Variants in ARHGAP29 observed in about 807,000 individuals in gnomAD.
ARHGAP29 encodes the protein rho GTPase-activating protein 29.
A neutral mutation model predicts 122.6 loss-of-function variants in ARHGAP29; 43 were observed. The ratio of observed to expected loss-of-function variants is 0.35; its 90% CI spans 0.27 to 0.45. The LOEUF is 0.45. Among genes scored for constraint, ARHGAP29 ranks in the 20% least tolerant of loss-of-function variants. The probability of loss-of-function intolerance (pLI) is 1.00; values close to 1 mark genes in which losing one functional copy is unlikely to be tolerated. For missense variants in ARHGAP29, 1,303 were observed against 1,477.2 expected (o/e 0.88, Z 1.93); for synonymous variants, 506 against 497.1 (o/e 1.02, Z -0.24).
intron 3 of ARHGAP29, among the ~76,000 whole-genome samples, chr1:94,210,788 G>A (rs572517257): frequency 8.7e-5 from 13 of 149,658 alleles, no homozygotes; most frequent in Middle Eastern, 3.5e-3. Flanking sequence ...CTGTAATCCC[G>A]GGGCTTTGGG....
At chr1:94,292,000 C>T in the ARHGAP29 span, among the ~76,000 whole-genome samples, 2 of 152,098 alleles carry the variant, frequency 1.3e-5, no homozygotes, top group Non-Finnish European at 2.9e-5. Flanking sequence ...TTTTGGCCTG[C>T]CTTGCTAGGT....
Position 94,169,574 on chromosome 1 carries a change from C to A in ARHGAP29, c.*4295G>T, listed in dbSNP as rs930965735. On this transcript the variant is annotated 3_prime_UTR_variant, in exon 23 of 23. Coordinates refer to ENST00000260526, the MANE Select transcript of ARHGAP29 (RefSeq NM_004815.4). ...GGTGTCAATGTGAACTCAAAGTTTT[C>A]AATACGTATGTATATAAATAGATAT... Among the ~76,000 whole-genome samples the A allele has an allele frequency of 2.0e-5, 3 of 152,166 alleles. No homozygotes were observed. The highest frequency in any genetic ancestry group is 4.4e-5 in the Non-Finnish European group (3 of 68,024).
At chr1:94,189,662 A>G (rs1650017352) in intron 13 of ARHGAP29, among the ~76,000 whole-genome samples, 1 of 152,116 alleles carries the variant, frequency 6.6e-6, no homozygotes, top group East Asian at 1.9e-4. Context: ...GACCTTCAAA[A>G]CATGTATGGC....
At chr1:94,253,627 C>G (rs936364503) in intron 1 of ARHGAP29, among the ~76,000 whole-genome samples, 3 of 148,478 alleles carry the variant, frequency 2.0e-5, no homozygotes, top group African/African-American at 7.6e-5. Flanking sequence ...CCGCAGGCAT[C>G]TGGAACACAC....
intron 7 of ARHGAP29, among the ~76,000 whole-genome samples, chr1:94,204,265 G>T (rs1304904152): frequency 6.6e-6 from 1 of 151,872 alleles, no homozygotes; most frequent in Non-Finnish European, 1.5e-5. Context: ...CTCAGGAATA[G>T]CTGGGATTAC....
At chr1:94,240,243 T>G (rs1029054672), upstream of ARHGAP29, among the ~76,000 whole-genome samples, 1 of 152,226 alleles carries the variant, frequency 6.6e-6, no homozygotes, top group Non-Finnish European at 1.5e-5. Context: ...TTAAATAAAC[T>G]ATAAGTAAGG....
chr1:94,270,490 C>G (rs532250834), intron 1 of ARHGAP29, among the ~76,000 whole-genome samples: 1 of 152,320 alleles, frequency 6.6e-6, no homozygotes, highest in South Asian at 2.1e-4. Context: ...ATCATACAGT[C>G]AGACATTCCC....
At chr1:94,220,948 T>C (rs996566507) in intron 2 of ARHGAP29, among the ~76,000 whole-genome samples, 3 of 152,278 alleles carry the variant, frequency 2.0e-5, no homozygotes, top group Middle Eastern at 6.8e-3. Context: ...AAAATCAAAA[T>C]CTTTTACACT....
the ARHGAP29 span, among the ~76,000 whole-genome samples, chr1:94,285,465 G>T: frequency 2.0e-5 from 3 of 152,278 alleles, no homozygotes; most frequent in East Asian, 5.8e-4. Context: ...AGGAAGCTAT[G>T]GATATAAGGA....
chr1:94,186,553 T>C lies in ARHGAP29; in HGVS notation c.1726A>G (p.Met576Val), dbSNP rs148550448. Residue 576 changes from methionine (M) to valine (V), a missense_variant, in exon 16 of 23, where the codon ATG becomes GTG. By Grantham distance (21) the Met-to-Val change is conservative. Transcript: ENST00000260526. ...KLPRTPSSGT[M>V]SSADDLDERE... The stretch of plus-strand genomic sequence containing the variant: ...TCATCTAGATCATCTGCAGAGGACA[T>C]AGTTCCACTGGATGGTGTTCGTGGA... 138 of 1,613,824 alleles carry C rather than the reference T, an allele frequency of 8.6e-5. No homozygotes were observed. The highest frequency in any genetic ancestry group is 1.1e-4 in the Non-Finnish European group (132 of 1,179,806).
At position 94,171,591 on chromosome 1, in the gene ARHGAP29, AGTGCACACT is replaced by A. The variant is rs1648740786; in HGVS notation, c.*2269_*2277del. ...ACCACACTATTAGATAGCACAACAC[AGTGCACACT>A]GTGGATCCTCTAGAAATAGCAACCT... is the stretch of plus-strand genomic sequence containing the variant. On this transcript the variant is annotated 3_prime_UTR_variant, in exon 23 of 23. Transcript: ENST00000260526. Among the ~76,000 whole-genome samples, 1 of 152,194 alleles carries A rather than the reference AGTGCACACT, an allele frequency of 6.6e-6. No homozygotes were observed. Among genetic ancestry groups the A allele is most frequent in the Non-Finnish European group, 1.5e-5 (1 of 68,028 alleles).
the ARHGAP29 span, among the ~76,000 whole-genome samples, chr1:94,307,203 G>C: frequency 6.6e-6 from 1 of 152,074 alleles, no homozygotes; most frequent in African/African-American, 2.4e-5. Flanking sequence ...CTCCTGAGTG[G>C]CTGAACATTG....
chr1:94,198,311 C>T (rs372340593), intron 12 of ARHGAP29, among the ~76,000 whole-genome samples: 14 of 151,960 alleles, frequency 9.2e-5, no homozygotes, highest in East Asian at 3.9e-4. Flanking sequence ...ACCCAGTCTC[C>T]ACAAAAAAAT....
At position 94,202,710 on chromosome 1, in the gene ARHGAP29, T is replaced by C. The variant is rs1284803120; in HGVS notation, c.977A>G (p.Lys326Arg). ...TTGCATGCATAATAATTTTGCCTTTTTGAGAGCATTCTCTGCTTCAAGCTA... is the reference window on the plus strand; with the variant it reads ...TTGCATGCATAATAATTTTGCCTTTCTGAGAGCATTCTCTGCTTCAAGCTA... ...NKMLEAENAL[K>R]KAKLLCMQRQ... Residue 326 changes from lysine to arginine, a missense_variant, in exon 11 of 23, where the codon AAA becomes AGA. Physicochemically the swap from Lys to Arg is conservative, Grantham distance 26. Transcript: ENST00000260526. 6.2e-7 allele frequency: 1 copy of C among 1,613,776 alleles called. No homozygotes were observed. Among genetic ancestry groups the C allele is most frequent in the Non-Finnish European group, 8.5e-7 (1 of 1,180,000 alleles).
rs1392062659 is a variant in ARHGAP29 at position 94,168,926 on chromosome 1, T to G, written c.*4943A>C. 4.6e-5 allele frequency among the ~76,000 whole-genome samples: 7 copies of G among 152,342 alleles called. No homozygotes were observed. The highest frequency in any genetic ancestry group is 8.8e-5 in the Non-Finnish European group (6 of 68,030). ...GAAGCATAGCCAATTAGTCGTTTAATCTATTTTCTGAACTGCATGCTTATT... is the reference window on the plus strand; with the variant it reads ...GAAGCATAGCCAATTAGTCGTTTAAGCTATTTTCTGAACTGCATGCTTATT... On this transcript the variant is annotated 3_prime_UTR_variant, in exon 23 of 23. Transcript: ENST00000260526.
At chr1:94,247,976 TGACTTTTTGTACCCTCCTGCAGG>T (rs1200653721) in intron 1 of ARHGAP29, 6 of 152,290 alleles carry the variant, frequency 3.9e-5, no homozygotes, top group Non-Finnish European at 8.8e-5. Context: ...AGAGGAAAAG[TGACTTTTTGTACCCTCCTGCAGG>T]GAGCAGGTTC....
the ARHGAP29 span, among the ~76,000 whole-genome samples, chr1:94,298,517 T>C: frequency 6.6e-6 from 1 of 152,234 alleles, no homozygotes; most frequent in Non-Finnish European, 1.5e-5. Context: ...AAGTGGTCTC[T>C]CAATTTCTCT....
intron 16 of ARHGAP29, among the ~76,000 whole-genome samples, chr1:94,185,966 C>A (rs1283472384): frequency 6.6e-6 from 1 of 152,144 alleles, no homozygotes; most frequent in Non-Finnish European, 1.5e-5. Context: ...CTGGAGGTCA[C>A]ATATTCCATT....
At chr1:94,286,619 G>T in the ARHGAP29 span, among the ~76,000 whole-genome samples, 2 of 152,278 alleles carry the variant, frequency 1.3e-5, no homozygotes, top group African/African-American at 4.8e-5. Flanking sequence ...AGTGAGTTGA[G>T]ATTATGGCAC....
Sources: gnomAD v4.1 joint callset for allele counts (sites outside exome capture counted in the v4.1 genomes callset) on GRCh38, gnomAD v4.1.1 for gene constraint, MANE v1.5 for transcripts, NCBI Gene and HGNC (gene_info 2026-07-23, HGNC 2026-07-21) for gene names.